The following NUP98 variants were observed in gnomAD, a reference collection of about 807,000 sequenced individuals.
The protein encoded by NUP98 is nucleoporin 98 and 96 precursor.
Under a neutral mutation model 191.9 loss-of-function variants are expected in NUP98, and 26 were observed. The observed-to-expected ratio is 0.14, with a 90% CI of 0.10 to 0.19. The LOEUF (loss-of-function observed/expected upper bound fraction) is 0.19. NUP98 is among the 10% of genes least tolerant of loss of function. The probability of loss-of-function intolerance (pLI) is 1.00; values close to 1 mark genes in which losing one functional copy is unlikely to be tolerated. For missense variants in NUP98, 1,941 were observed against 2,178.8 expected (o/e 0.89, Z 2.17); for synonymous variants, 808 against 778.4 (o/e 1.04, Z -0.63).
At chr11:3,691,814 A>G (rs565215960) in intron 27 of NUP98, among the ~76,000 whole-genome samples, 1 of 152,148 alleles carries the variant, frequency 6.6e-6, no homozygotes, top group Non-Finnish European at 1.5e-5. Flanking sequence ...TTAGCCTCCC[A>G]AAGTGCTGGG....
chr11:3,729,589 G>A (rs973182570), intron 14 of NUP98, among the ~76,000 whole-genome samples: 1 of 149,164 alleles, frequency 6.7e-6, no homozygotes, highest in Non-Finnish European at 1.5e-5. Context: ...TGGTGGTGTG[G>A]GCCTGTGGTC....
In NUP98 at chr11:3,693,175, T is replaced by C. The variant is rs150804368; in HGVS notation, c.4311+57A>G. The C allele has an allele frequency of 9.6e-4, 1,521 of 1,578,850 alleles. 21 individuals are homozygous for C. In the African/African-American group the frequency reaches 0.018, roughly 19 times the overall value. Reference sequence around the variant, plus strand: ...TCAGATTTCCTGGCTCCGCTTCAATTTGACAATACTTTAACACCCAGCAAG... The same window carrying C: ...TCAGATTTCCTGGCTCCGCTTCAATCTGACAATACTTTAACACCCAGCAAG... On this transcript the variant is annotated intron_variant, in intron 27 of 32. Coordinates refer to ENST00000324932, the MANE Select transcript of NUP98 (RefSeq NM_016320.5).
rs1407721034 is a variant in NUP98, at chr11:3,751,083, G to A, written c.1267+2233C>T. 2.0e-5 allele frequency among the ~76,000 whole-genome samples: 3 copies of A among 152,168 alleles called. No individual in the cohort carries two copies. In the South Asian group the frequency reaches 6.2e-4, roughly 31 times the overall value. On this transcript the variant is annotated intron_variant, in intron 11 of 32. Coordinates refer to ENST00000324932, the MANE Select transcript of NUP98 (RefSeq NM_016320.5). ...ATTTAAAAATATAATCCCAGGCCGGGCACGATGGCTCACACCTGTAATCCC... is the reference window on the plus strand; with the variant it reads ...ATTTAAAAATATAATCCCAGGCCGGACACGATGGCTCACACCTGTAATCCC...
At position 3,795,646 on chromosome 11, in the gene NUP98, A is replaced by G. The variant is rs184876450; in HGVS notation, c.-29+1754T>C. Reference sequence around the variant, plus strand: ...TGTGGCAAGCAACTGGACAACAAAGATAAGATGAAAATATTTTACCAGCCT... The same window carrying G: ...TGTGGCAAGCAACTGGACAACAAAGGTAAGATGAAAATATTTTACCAGCCT... On this transcript the variant is annotated intron_variant, in intron 1 of 32. Transcript: ENST00000324932. Among the ~76,000 whole-genome samples, 325 of 152,304 alleles carry G rather than the reference A, an allele frequency of 2.1e-3. 1 individual carries two copies. Among genetic ancestry groups the G allele is most frequent in the Non-Finnish European group, 3.8e-3 (261 of 68,038 alleles).
chr11:3,792,454 T>C (rs1388456922), intron 1 of NUP98, among the ~76,000 whole-genome samples: 1 of 151,374 alleles, frequency 6.6e-6, no homozygotes, highest in Non-Finnish European at 1.5e-5. Context: ...CTACAAAAAA[T>C]ACAAAAATTA....
In NUP98 at chr11:3,775,999, A is replaced by G. The variant is rs149542589; in HGVS notation, c.378T>C (p.Ser126=). 30 of 1,606,548 alleles carry G rather than the reference A, an allele frequency of 1.9e-5. 1 individual carries two copies. The African/African-American group carries it at 2.8e-4, about 15-fold the overall frequency. Reference sequence around the variant, plus strand: ...TATTTGTGGTTCCAAAGAGTCCTCCACTGCTAGTACTGGTTCCAAAATCTA... The same window carrying G: ...TATTTGTGGTTCCAAAGAGTCCTCCGCTGCTAGTACTGGTTCCAAAATCTA... The part of the protein sequence containing the change: ...GFGNFGTSTS[S]GGLFGTTNTT... The change falls in exon 5 of 33, where the codon AGT becomes AGC. Residue 126 remains serine (S), a synonymous_variant. Coordinates refer to ENST00000324932, the MANE Select transcript of NUP98 (RefSeq NM_016320.5).
At chr11:3,743,613 C>T (rs2080370715) in intron 12 of NUP98, among the ~76,000 whole-genome samples, 1 of 143,382 alleles carries the variant, frequency 7.0e-6, no homozygotes, top group Non-Finnish European at 1.5e-5. Context: ...CACCACTGTA[C>T]TCCAGCCTGG....
At chr11:3,784,679 A>G (rs897418817) in intron 1 of NUP98, among the ~76,000 whole-genome samples, 2 of 152,004 alleles carry the variant, frequency 1.3e-5, no homozygotes, top group Non-Finnish European at 2.9e-5. Flanking sequence ...ACTTTAGCCC[A>G]GGAGTTCAGG....
At position 3,744,565 on chromosome 11, in the gene NUP98, G is replaced by A; in HGVS notation, c.1352C>T (p.Pro451Leu). ...AGTGGCTGTCGTAGTATTAAATCCA[G>A]GGGCCCCAAAGGCTCCTGTACCAAG... ...GPLGTGAFGA[P>L]GFNTTTATLG... Residue 451 changes from proline to leucine, a missense_variant, in exon 12 of 33, where the codon CCT (proline) becomes CTT (leucine). By Grantham distance (98) the Pro-to-Leu change is moderately conservative (BLOSUM62 -3). This residue lies in a region of NUP98 where 453 missense variants were observed against 438.2 expected (regional missense o/e 1.03). Coordinates refer to ENST00000324932, the MANE Select transcript of NUP98 (RefSeq NM_016320.5). 2 of 1,613,802 alleles carry A rather than the reference G, an allele frequency of 1.2e-6. No individual in the cohort carries two copies. Among genetic ancestry groups the A allele is most frequent in the Non-Finnish European group, 1.7e-6 (2 of 1,179,802 alleles).
intron 12 of NUP98, among the ~76,000 whole-genome samples, chr11:3,741,576 G>A (rs756130424): frequency 1.3e-5 from 2 of 151,994 alleles, no homozygotes; most frequent in East Asian, 1.9e-4. Context: ...AGCCGAGATC[G>A]CGCCACTGCA....
chr11:3,712,567 A>G lies in NUP98; in HGVS notation c.2739T>C (p.Pro913=), dbSNP rs781533744. 8 of 1,612,940 alleles carry G rather than the reference A, an allele frequency of 5.0e-6. No homozygotes were observed. The highest frequency in any genetic ancestry group is 4.2e-6 in the Non-Finnish European group (5 of 1,179,690). Residue 913 remains proline (P), a synonymous_variant, in exon 20 of 33, where the codon CCT becomes CCC. Coordinates refer to ENST00000324932, the MANE Select transcript of NUP98 (RefSeq NM_016320.5). Reference sequence around the variant, plus strand: ...TTCACTGTCCTTTTTTCTCTACCTGAGGTGGAGGTGCAGGTTTGCCATTAA... The same window carrying G: ...TTCACTGTCCTTTTTTCTCTACCTGGGGTGGAGGTGCAGGTTTGCCATTAA... ...MALNGKPAPP[P]QSQSPEVEQL...
intron 11 of NUP98, among the ~76,000 whole-genome samples, chr11:3,750,348 A>G (rs1362001601): frequency 6.6e-6 from 1 of 152,104 alleles, no homozygotes; most frequent in Non-Finnish European, 1.5e-5. Context: ...CGCCCACCTC[A>G]GCCTCCCAAA....
chr11:3,706,376 G>A, intron 21 of NUP98, 69 bp downstream of exon 21: 2 of 1,423,246 alleles, frequency 1.4e-6, no homozygotes, highest in East Asian at 2.3e-5. Context: ...GAAGAGACCT[G>A]ATCCTATGCA....
At chr11:3,775,120 A>G (rs895171523) in intron 5 of NUP98, among the ~76,000 whole-genome samples, 2 of 152,162 alleles carry the variant, frequency 1.3e-5, no homozygotes, top group African/African-American at 2.4e-5. Context: ...GAACACATAC[A>G]CAATAAACTT....
Position 3,780,925 on chromosome 11 carries a change from T to C in NUP98, c.76+1117A>G, listed in dbSNP as rs149177802. The stretch of plus-strand genomic sequence containing the variant: ...TGAAACCCCATCCCTATTAAAAATA[T>C]AAAAATTAGCCGGGCATGGTGCCAT... On this transcript the variant is annotated intron_variant, in intron 2 of 32. Coordinates refer to ENST00000324932, the MANE Select transcript of NUP98 (RefSeq NM_016320.5). Among the ~76,000 whole-genome samples the C allele has an allele frequency of 1.6e-3, 249 of 151,228 alleles. 1 individual carries two copies. The highest frequency in any genetic ancestry group is 6.8e-3 in the Middle Eastern group (2 of 294).
chr11:3,782,550 C>A (rs940403619), intron 1 of NUP98, among the ~76,000 whole-genome samples: 3 of 150,818 alleles, frequency 2.0e-5, no homozygotes, highest in Non-Finnish European at 4.4e-5. Flanking sequence ...TCTGCTAACC[C>A]AACCACCTAA....
chr11:3,786,648 T>C (rs1051920722), intron 1 of NUP98, among the ~76,000 whole-genome samples: 1 of 152,192 alleles, frequency 6.6e-6, no homozygotes, highest in African/African-American at 2.4e-5. Flanking sequence ...TGGACAGACA[T>C]ATATTCTGAC....
chr11:3,795,020 T>C (rs2134002865), intron 1 of NUP98, among the ~76,000 whole-genome samples: 1 of 152,356 alleles, frequency 6.6e-6, no homozygotes, highest in East Asian at 1.9e-4. Flanking sequence ...CATCATTCTT[T>C]ACTTTCCAGG....
At chr11:3,706,146 G>A (rs549629390) in intron 21 of NUP98, among the ~76,000 whole-genome samples, 5 of 152,160 alleles carry the variant, frequency 3.3e-5, no homozygotes, top group Admixed American at 6.5e-5. Context: ...TCCAGCCTGG[G>A]CGACAGAGCA....
Sources: allele counts gnomAD v4.1 joint callset (sites outside exome capture counted in the v4.1 genomes callset), GRCh38; gene constraint gnomAD v4.1.1; regional missense constraint gnomAD v4.1.1; transcripts MANE v1.5; gene names NCBI Gene and HGNC (gene_info 2026-07-23, HGNC 2026-07-21).